ZNF248: variants seen among roughly 807,000 people sequenced by gnomAD.
ZNF248 encodes the protein KRAB protein domain.
In ZNF248, 20 loss-of-function variants were observed where a neutral mutation model predicts 44.3. That is an observed-to-expected ratio of 0.45 (90% CI 0.32 to 0.66). The LOEUF is 0.66. Among genes scored for constraint, ZNF248 ranks in the 30% least tolerant of loss-of-function variants. ZNF248 has a pLI of 0.04. For synonymous variants in ZNF248, 224 were observed against 229.0 expected (o/e 0.98, Z 0.20); for missense variants, 654 against 677.0 (o/e 0.97, Z 0.38).
rs570937302 is a variant in ZNF248 at position 37,828,824 on chromosome 10, A to G, written c.*2791T>C. On this transcript the variant is annotated 3_prime_UTR_variant, in exon 6 of 6. Coordinates refer to ENST00000395867, the MANE Select transcript of ZNF248 (RefSeq NM_021045.3). The stretch of plus-strand genomic sequence containing the variant: ...GAGCTGCTTACCTTACACCACATAC[A>G]ATAAGAAACACCACAGGGAGGTATG... 1.0e-6 allele frequency: 1 copy of G among 985,358 alleles called. No individual in the cohort carries two copies. The highest frequency in any genetic ancestry group is 6.1e-5 in the Admixed American group (1 of 16,276). 61.0% of individuals were successfully genotyped at this position (985,358 alleles called of 1,614,324 possible). A position where few individuals can be genotyped will look rare whatever the true frequency, so the allele number is the denominator to read the frequency against.
At chr10:37,842,407 A>G (rs934221811) in intron 3 of ZNF248, among the ~76,000 whole-genome samples, 7 of 152,204 alleles carry the variant, frequency 4.6e-5, no homozygotes, top group Non-Finnish European at 8.8e-5. Flanking sequence ...AGAAAGAAAA[A>G]ATAAAAGGCA....
Position 37,832,744 on chromosome 10 carries a change from T to A in ZNF248, c.611A>T (p.Asp204Val). Residue 204 changes from aspartate (D) to valine (V), a missense_variant, in exon 6 of 6, where the codon GAT becomes GTT. By Grantham distance (152) the Asp-to-Val change is radical. Coordinates refer to ENST00000395867, the MANE Select transcript of ZNF248 (RefSeq NM_021045.3). ...QKRNAINYHQ[D>V]LSQPSFGQSF... ...TTGGCCAAAACTTGGCTGACTGAGA[T>A]CCTGGTGATAATTAATGGCATTCCT... 1 of 1,613,752 alleles carries A rather than the reference T, an allele frequency of 6.2e-7. No individual in the cohort carries two copies. Among genetic ancestry groups the A allele is most frequent in the Non-Finnish European group, 8.5e-7 (1 of 1,179,868 alleles).
At position 37,831,684 on chromosome 10, in the gene ZNF248, A is replaced by G. The variant is rs1564569762; in HGVS notation, c.1671T>C (p.Phe557=). The G allele has an allele frequency of 6.2e-7, 1 of 1,613,950 alleles. No individual in the cohort carries two copies. Among genetic ancestry groups the G allele is most frequent in the Non-Finnish European group, 8.5e-7 (1 of 1,179,872 alleles). ...PYECNACGKT[F]SQRSVLTKHQ... is the part of the protein sequence containing the mutation. Reference sequence around the variant, plus strand: ...GTTTGGTGAGCACTGACCTCTGACTAAAGGTCTTCCCACATGCATTACACT... The same window carrying G: ...GTTTGGTGAGCACTGACCTCTGACTGAAGGTCTTCCCACATGCATTACACT... The change falls in exon 6 of 6, where the codon TTT becomes TTC. Residue 557 remains phenylalanine (F), a synonymous_variant. Transcript: ENST00000395867.
At chr10:37,804,358 T>G (rs1423586026) in intron 6 of ZNF248, among the ~76,000 whole-genome samples, 1 of 152,080 alleles carries the variant, frequency 6.6e-6, no homozygotes, top group Non-Finnish European at 1.5e-5. Flanking sequence ...ACTTAATTAC[T>G]GAGTAGAAAA....
chr10:37,853,124 C>T (rs1348862317), intron 3 of ZNF248, among the ~76,000 whole-genome samples: 3 of 151,744 alleles, frequency 2.0e-5, no homozygotes, highest in African/African-American at 4.8e-5. Context: ...GATTTACAGG[C>T]GTGAGCCACC....
chr10:37,852,927 T>C (rs1416306172), intron 3 of ZNF248, among the ~76,000 whole-genome samples: 1 of 151,920 alleles, frequency 6.6e-6, no homozygotes, highest in Non-Finnish European at 1.5e-5. Flanking sequence ...AGTTGCGTGA[T>C]CTCGGCTCAC....
the ZNF248 span, among the ~76,000 whole-genome samples, chr10:37,759,940 A>AATCAG: frequency 6.6e-6 from 1 of 152,158 alleles, no homozygotes; most frequent in Non-Finnish European, 1.5e-5. Flanking sequence ...GAGGAGGCAA[A>AATCAG]ATCAGGGCTC....
chr10:37,849,641 C>G (rs1403522461), intron 3 of ZNF248, among the ~76,000 whole-genome samples: 6 of 151,484 alleles, frequency 4.0e-5, no homozygotes, highest in Admixed American at 3.3e-4. Flanking sequence ...GAACGGAGAG[C>G]ACACCACTGC....
At chr10:37,784,178 C>G (rs1354546564) in intron 6 of ZNF248, 2 of 152,262 alleles carry the variant, frequency 1.3e-5, no homozygotes, top group African/African-American at 4.8e-5. Context: ...AATATTAGAA[C>G]TTTGGAATGT....
intron 6 of ZNF248, among the ~76,000 whole-genome samples, chr10:37,787,053 G>A (rs1378950181): frequency 6.6e-6 from 1 of 152,154 alleles, no homozygotes; most frequent in African/African-American, 2.4e-5. Context: ...GCTGAGCCAG[G>A]CAGATCACAA....
At chr10:37,773,096 A>G (rs1259580706), downstream of ZNF248, among the ~76,000 whole-genome samples, 1 of 152,178 alleles carries the variant, frequency 6.6e-6, no homozygotes, top group Non-Finnish European at 1.5e-5. Context: ...AAATACAAAA[A>G]TTAGCTGGGC....
intron 6 of ZNF248, among the ~76,000 whole-genome samples, chr10:37,777,793 T>G (rs1242617385): frequency 6.6e-6 from 1 of 151,620 alleles, no homozygotes; most frequent in Non-Finnish European, 1.5e-5. Flanking sequence ...GTGTTTGGTT[T>G]TTTGTTCTTG....
At chr10:37,846,977 G>A (rs1051369370) in intron 3 of ZNF248, among the ~76,000 whole-genome samples, 19 of 152,118 alleles carry the variant, frequency 1.2e-4, no homozygotes, top group African/African-American at 3.9e-4. Context: ...GGGAAACACC[G>A]ATTATACATT....
At chr10:37,768,416 AC>A in the ZNF248 span, among the ~76,000 whole-genome samples, 3 of 145,332 alleles carry the variant, frequency 2.1e-5, no homozygotes, top group African/African-American at 7.7e-5. Context: ...ATTATAACAA[AC>A]TGTCTCTCAG....
intron 6 of ZNF248, among the ~76,000 whole-genome samples, chr10:37,821,268 A>ATT (rs2053421912): frequency 6.7e-6 from 1 of 149,120 alleles, no homozygotes; most frequent in East Asian, 1.9e-4. Context: ...CTTGGTTCTT[A>ATT]TTTAACTCTC....
intron 3 of ZNF248, among the ~76,000 whole-genome samples, chr10:37,855,816 G>A (rs931455334): frequency 6.6e-6 from 1 of 152,168 alleles, no homozygotes; most frequent in Non-Finnish European, 1.5e-5. Flanking sequence ...GAAACAAGTC[G>A]GAACTGTCAG....
intron 6 of ZNF248, chr10:37,794,211 T>C (rs1148272): frequency 0.06 from 9,131 of 152,356 alleles, 353 homozygotes; most frequent in Middle Eastern, 0.095. Flanking sequence ...CCACAGAGTT[T>C]GTCTTCTAGC....
chr10:37,818,001 C>T (rs529737890), intron 6 of ZNF248, among the ~76,000 whole-genome samples: 2 of 152,144 alleles, frequency 1.3e-5, no homozygotes, highest in South Asian at 2.1e-4. Context: ...CTGCAAGCTC[C>T]GCCTCTCGGG....
At chr10:37,771,784 A>G (rs887829219), downstream of ZNF248, among the ~76,000 whole-genome samples, 19 of 152,264 alleles carry the variant, frequency 1.2e-4, no homozygotes, top group African/African-American at 4.1e-4. Flanking sequence ...TAATAATAAA[A>G]TAAAATTAAA....
Sources: gnomAD v4.1 joint callset for allele counts (sites outside exome capture counted in the v4.1 genomes callset) on GRCh38, gnomAD v4.1.1 for gene constraint, MANE v1.5 for transcripts, NCBI Gene and HGNC (gene_info 2026-07-23, HGNC 2026-07-21) for gene names.